STXBP5L: variants seen among roughly 807,000 people sequenced by gnomAD.
STXBP5L encodes syntaxin binding protein 5L, also known as syntaxin-binding protein 5-like.
Under a neutral mutation model 144.5 loss-of-function variants are expected in STXBP5L, and 65 were observed. The observed-to-expected ratio is 0.45, with a 90% CI of 0.37 to 0.55. The LOEUF (loss-of-function observed/expected upper bound fraction) is 0.55, where lower values mean the gene tolerates loss of function less well. STXBP5L is among the 20% of genes least tolerant of loss of function. The probability of loss-of-function intolerance (pLI) is 0.00; values close to 1 mark genes in which losing one functional copy is unlikely to be tolerated. For synonymous variants in STXBP5L, 505 were observed against 469.6 expected, an observed-to-expected ratio of 1.08 and a Z score of -0.97; for missense variants, 1,298 against 1,405.5, an observed-to-expected ratio of 0.92 and a Z score of 1.22.
intron 3 of STXBP5L, among the ~76,000 whole-genome samples, chr3:120,964,534 G>A (rs1576505775): frequency 1.3e-5 from 2 of 152,272 alleles, no homozygotes; most frequent in Admixed American, 6.5e-5. Context: ...TATTTACCCA[G>A]TAGTCAGTCA....
intron 7 of STXBP5L, among the ~76,000 whole-genome samples, chr3:121,139,294 T>A (rs2045394123): frequency 6.6e-6 from 1 of 152,128 alleles, no homozygotes; most frequent in African/African-American, 2.4e-5. Context: ...ATGCTAATTA[T>A]CATGATTTGG....
intron 19 of STXBP5L, among the ~76,000 whole-genome samples, chr3:121,283,520 T>C (rs1025743715): frequency 1.3e-5 from 2 of 152,052 alleles, no homozygotes; most frequent in African/African-American, 4.8e-5. Flanking sequence ...GATACTATGA[T>C]AACTGTGATA....
rs150872112 is a variant in STXBP5L, at chr3:121,085,200, T to G, written c.471-29725T>G. Among the ~76,000 whole-genome samples the G allele has an allele frequency of 4.6e-3, 700 of 152,322 alleles. 5 individuals carry two copies. Among genetic ancestry groups the G allele is most frequent in the African/African-American group, 0.016 (663 of 41,574 alleles). ...ATGCTGATGATAGTTTCTTTTGCTG[T>G]GCAGAAGCTCTTTAGTTTAATTACA... is the stretch of plus-strand genomic sequence containing the variant. On this transcript the variant is annotated intron_variant, in intron 5 of 26. Coordinates refer to ENST00000471454, the MANE Select transcript of STXBP5L (RefSeq NM_001308330.2).
At chr3:121,293,446 G>A (rs1270796322) in intron 19 of STXBP5L, among the ~76,000 whole-genome samples, 1 of 124,472 alleles carries the variant, frequency 8.0e-6, no homozygotes, top group African/African-American at 3.2e-5. Flanking sequence ...ATGTCAAAAT[G>A]TATTCAAATA....
At position 121,009,695 on chromosome 3, in the gene STXBP5L, A is replaced by G. The variant is rs150323087; in HGVS notation, c.288-32005A>G. On this transcript the variant is annotated intron_variant, in intron 3 of 26. Transcript: ENST00000471454. Reference sequence around the variant, plus strand: ...GGTGAAATGGGGATCTGAGTCACTTATATATGAACTTAGTTGGGCCTAATT... The same window carrying G: ...GGTGAAATGGGGATCTGAGTCACTTGTATATGAACTTAGTTGGGCCTAATT... 1.7e-4 allele frequency among the ~76,000 whole-genome samples: 26 copies of G among 152,092 alleles called. No individual in the cohort carries two copies. The East Asian group carries it at 3.1e-3, about 18-fold the overall frequency.
chr3:121,094,810 T>A (rs1285841530), intron 5 of STXBP5L, among the ~76,000 whole-genome samples: 1 of 152,174 alleles, frequency 6.6e-6, no homozygotes. Context: ...TTTGAACCTT[T>A]CATTATGATG....
chr3:121,340,409 C>T (rs1200253310), intron 20 of STXBP5L, among the ~76,000 whole-genome samples: 1 of 151,842 alleles, frequency 6.6e-6, no homozygotes. Context: ...TATACATGTG[C>T]CCAAGTTGGT....
intron 19 of STXBP5L, among the ~76,000 whole-genome samples, chr3:121,293,211 G>A (rs1250602784): frequency 5.9e-5 from 9 of 151,514 alleles, no homozygotes; most frequent in African/African-American, 2.2e-4. Context: ...AAATAATCAG[G>A]AAAAAAAAGG....
Position 121,045,489 on chromosome 3 carries a change from C to G in STXBP5L, c.424C>G (p.Gln142Glu), listed in dbSNP as rs79661914. ...TACACTTCATTTGTGGAACCTTAGA[C>G]AAAAAAGGCCAGCCATACTCCATTC... Reference protein sequence around the residue: ...DDTLHLWNLRQKRPAILHSLK... With the variant: ...DDTLHLWNLREKRPAILHSLK... The change falls in exon 5 of 27, where the codon CAA becomes GAA. Residue 142 changes from glutamine to glutamate, a missense_variant. Transcript: ENST00000471454. 2.5e-6 allele frequency: 4 copies of G among 1,612,850 alleles called. No homozygotes were observed. The highest frequency in any genetic ancestry group is 1.1e-5 in the South Asian group (1 of 90,928).
chr3:121,317,056 T>C (rs1019579796), intron 19 of STXBP5L, among the ~76,000 whole-genome samples: 1 of 152,220 alleles, frequency 6.6e-6, no homozygotes, highest in African/African-American at 2.4e-5. Flanking sequence ...TTTGTATATC[T>C]AGGGTTAAGA....
Position 121,045,522 on chromosome 3 carries a change from T to C in STXBP5L, c.457T>C (p.Phe153Leu), listed in dbSNP as rs1326971407. Reference protein sequence around the residue: ...KRPAILHSLKFNRERITYCHL... With the variant: ...KRPAILHSLKLNRERITYCHL... Reference sequence around the variant, plus strand: ...GCCAGCCATACTCCATTCTCTTAAATTTAACCGGGAACGGTAAGAACCTAT... The same window carrying C: ...GCCAGCCATACTCCATTCTCTTAAACTTAACCGGGAACGGTAAGAACCTAT... The change falls in exon 5 of 27, where the codon TTT becomes CTT. Residue 153 changes from phenylalanine to leucine, a missense_variant. Transcript: ENST00000471454. 1 of 1,612,122 alleles carries C rather than the reference T, an allele frequency of 6.2e-7. No individual in the cohort carries two copies. Among genetic ancestry groups the C allele is most frequent in the Admixed American group, 1.7e-5 (1 of 59,734 alleles).
chr3:120,914,273 C>T (rs898969026), intron 2 of STXBP5L, among the ~76,000 whole-genome samples: 1 of 151,878 alleles, frequency 6.6e-6, no homozygotes, highest in Admixed American at 6.6e-5. Flanking sequence ...ATTACCAGAA[C>T]CAGATGACAT....
chr3:121,342,836 AT>A (rs1251841825), intron 20 of STXBP5L, among the ~76,000 whole-genome samples: 1 of 148,098 alleles, frequency 6.8e-6, no homozygotes, highest in African/African-American at 2.5e-5. Context: ...TAGCAGCATG[AT>A]TTATAGTCCT....
intron 7 of STXBP5L, among the ~76,000 whole-genome samples, chr3:121,123,319 C>A (rs923137328): frequency 2.0e-5 from 3 of 151,294 alleles, no homozygotes; most frequent in African/African-American, 7.3e-5. Context: ...TTTGTTATGA[C>A]CTAGAAAATT....
intron 5 of STXBP5L, among the ~76,000 whole-genome samples, chr3:121,086,706 C>T (rs891943784): frequency 1.3e-5 from 2 of 152,006 alleles, no homozygotes; most frequent in African/African-American, 4.8e-5. Context: ...CCTAAATGTT[C>T]CAATGAGCAT....
chr3:121,326,759 A>T (rs1027229057), intron 20 of STXBP5L, among the ~76,000 whole-genome samples: 7 of 152,086 alleles, frequency 4.6e-5, no homozygotes, highest in African/African-American at 1.7e-4. Flanking sequence ...ATGCTCAATA[A>T]TATATGGTAG....
At chr3:121,374,639 G>A (rs982793085) in intron 20 of STXBP5L, among the ~76,000 whole-genome samples, 4 of 152,100 alleles carry the variant, frequency 2.6e-5, no homozygotes, top group African/African-American at 9.7e-5. Context: ...AAATCCTAGA[G>A]CTGAGGAATT....
Position 120,985,552 on chromosome 3 carries a change from C to T in STXBP5L, c.287+30515C>T, listed in dbSNP as rs138642400. On this transcript the variant is annotated intron_variant, in intron 3 of 26. Transcript: ENST00000471454. ...TCCTAAATGAAACTTTGCATTTTTT[C>T]ACCAACATCAGAGATGAGATTTTTT... 9.6e-3 allele frequency among the ~76,000 whole-genome samples: 1,456 copies of T among 151,930 alleles called. 11 individuals carry two copies. Among genetic ancestry groups the T allele is most frequent in the Non-Finnish European group, 0.013 (911 of 67,852 alleles).
chr3:121,186,556 TG>T (rs2047389752), intron 9 of STXBP5L, among the ~76,000 whole-genome samples: 1 of 152,228 alleles, frequency 6.6e-6, no homozygotes, highest in Non-Finnish European at 1.5e-5. Context: ...GATAATCCTG[TG>T]GTTTTTGTCT....
Sources: allele counts gnomAD v4.1 joint callset (sites outside exome capture counted in the v4.1 genomes callset), GRCh38; gene constraint gnomAD v4.1.1; transcripts MANE v1.5; gene names NCBI Gene and HGNC (gene_info 2026-07-23, HGNC 2026-07-21).